The following CCNB3 variants were observed in gnomAD, a reference collection of about 807,000 sequenced individuals.
CCNB3 encodes the protein G2/mitotic-specific cyclin-B3.
In CCNB3, 12 loss-of-function variants were observed where a neutral mutation model predicts 68.0. The observed-to-expected ratio is 0.18, with a 90% CI of 0.11 to 0.29. The LOEUF is 0.29. Ranked by LOEUF, CCNB3 falls within the 10% of genes least tolerant of loss-of-function variation. The pLI is 1.00. For synonymous variants in CCNB3, 354 were observed against 388.9 expected (o/e 0.91, Z 1.06); for missense variants, 904 against 993.1 (o/e 0.91, Z 1.21).
intron 9 of CCNB3, 44 bp from the exon 10 acceptor site, chrX:50,346,608 G>A (rs374433252): frequency 1.7e-6 from 2 of 1,166,192 alleles, no homozygotes; most frequent in African/African-American, 3.6e-5. Context: ...CAGAAAGGTT[G>A]GGTTGTCTGT....
chrX:50,279,802 T>C (rs1432522278), intron 1 of CCNB3, among the ~76,000 whole-genome samples: 8 of 87,871 alleles, frequency 9.1e-5, no homozygotes, highest in African/African-American at 3.4e-4. Flanking sequence ...ATATACTATA[T>C]ATAGAATATA....
intron 1 of CCNB3, among the ~76,000 whole-genome samples, chrX:50,282,205 T>C (rs1489402751): frequency 1.8e-5 from 2 of 111,112 alleles, no homozygotes; most frequent in Non-Finnish European, 3.8e-5. Context: ...CTTCGTTTTA[T>C]TGGGTGGGAA....
At chrX:50,339,531 G>T (rs1397413818) in intron 8 of CCNB3, among the ~76,000 whole-genome samples, 1 of 111,980 alleles carries the variant, frequency 8.9e-6, no homozygotes, top group African/African-American at 3.2e-5. Context: ...CAGAGGCTTG[G>T]CTAGGTATGA....
intron 1 of CCNB3, among the ~76,000 whole-genome samples, chrX:50,227,445 C>CAAATATATATAGAGAATATATATCT (rs1935895697): frequency 1.5e-4 from 12 of 77,982 alleles, no homozygotes; most frequent in Non-Finnish European, 1.2e-4. Flanking sequence ...AGAATATATA[C>CAAATATATATAGAGAATATATATCT]AAATATATAT....
At position 50,351,176 on chromosome X, in the gene CCNB3, T is replaced by A. The variant is rs1923661272; in HGVS notation, c.3961-65T>A. The A allele has an allele frequency of 3.4e-6, 4 of 1,163,445 alleles. No homozygotes were observed. The Admixed American group carries it at 6.7e-5, about 20-fold the overall frequency. ...ATGTGTGGGAAGCTTAGACTTGGGA[T>A]AGCAGAGATGGAGGAACGGTGTGCT... On this transcript the variant is annotated intron_variant, in intron 11 of 12. Transcript: ENST00000376042.
chrX:50,205,314 C>T (rs1445354763), intron 1 of CCNB3, among the ~76,000 whole-genome samples: 3 of 111,476 alleles, frequency 2.7e-5, no homozygotes, highest in African/African-American at 6.5e-5. Context: ...TGGTAGCGCG[C>T]GCCTGTAGTC....
intron 1 of CCNB3, among the ~76,000 whole-genome samples, chrX:50,279,001 G>T (rs1276627815): frequency 2.5e-5 from 1 of 39,484 alleles, no homozygotes; most frequent in Non-Finnish European, 4.1e-5. Flanking sequence ...AATACATATA[G>T]AATATATATA....
At chrX:50,209,345 T>C (rs1935440025) in intron 1 of CCNB3, among the ~76,000 whole-genome samples, 1 of 110,606 alleles carries the variant, frequency 9.0e-6, no homozygotes, top group African/African-American at 3.3e-5. Flanking sequence ...CAATACTGGA[T>C]TGTTTTTTGT....
chrX:50,206,609 A>G (rs1935370698), intron 1 of CCNB3, among the ~76,000 whole-genome samples: 1 of 109,464 alleles, frequency 9.1e-6, no homozygotes, highest in African/African-American at 3.3e-5. Flanking sequence ...AAAATGAAAT[A>G]TAGTATTACT....
At position 50,212,240 on chromosome X, in the gene CCNB3, G is replaced by T. The variant is rs1935495525; in HGVS notation, c.-113+7290G>T. ...ACTTACCCTGCTAAGGATAGCACAG[G>T]TTCATATATACTAGTAAATCCTTAA... On this transcript the variant is annotated intron_variant, in intron 1 of 12. Coordinates refer to ENST00000376042, the MANE Select transcript of CCNB3 (RefSeq NM_033031.3). Among the ~76,000 whole-genome samples the T allele has an allele frequency of 1.7e-4, 19 of 111,895 alleles. No individual in the cohort carries two copies. The South Asian group carries it at 7.2e-3, about 42-fold the overall frequency.
intron 1 of CCNB3, among the ~76,000 whole-genome samples, chrX:50,211,334 T>C (rs1368175279): frequency 4.5e-5 from 5 of 111,087 alleles, no homozygotes; most frequent in Non-Finnish European, 9.4e-5. Context: ...AAAATCTTTA[T>C]CCTGCCCTGC....
intron 5 of CCNB3, among the ~76,000 whole-genome samples, chrX:50,295,760 T>C (rs1288340348): frequency 9.0e-6 from 1 of 111,525 alleles, no homozygotes; most frequent in Non-Finnish European, 1.9e-5. Flanking sequence ...CCTGTATCTC[T>C]TGGAAACATG....
chrX:50,309,107 T>A lies in CCNB3; in HGVS notation c.938T>A (p.Met313Lys). ...TTGCAGACAACCATCTGTGGAGCAA[T>A]GTCCTCCATTAAGAAGCCTACCACT... ...PVLQTTICGA[M>K]SSIKKPTTEK... The change falls in exon 6 of 13, where the codon ATG (methionine) becomes AAG (lysine). Residue 313 changes from methionine to lysine, a missense_variant. Physicochemically the swap from Met to Lys is moderately conservative, Grantham distance 95. Coordinates refer to ENST00000376042, the MANE Select transcript of CCNB3 (RefSeq NM_033031.3). The A allele has an allele frequency of 2.5e-6, 3 of 1,209,468 alleles. No individual in the cohort carries two copies. In the South Asian group the frequency reaches 5.3e-5, roughly 21 times the overall value.
chrX:50,285,808 A>G (rs1040208986), intron 3 of CCNB3, among the ~76,000 whole-genome samples: 1 of 111,850 alleles, frequency 8.9e-6, no homozygotes, highest in African/African-American at 3.2e-5. Context: ...CTGGAGCAAA[A>G]CATCATTAGG....
chrX:50,226,574 T>C (rs1236047797), intron 1 of CCNB3, among the ~76,000 whole-genome samples: 2 of 52,451 alleles, frequency 3.8e-5, no homozygotes, highest in Non-Finnish European at 6.7e-5. Context: ...TAAATATATA[T>C]AGAATACATA....
intron 8 of CCNB3, among the ~76,000 whole-genome samples, chrX:50,320,833 A>G (rs994344377): frequency 1.8e-5 from 2 of 110,394 alleles, no homozygotes; most frequent in South Asian, 3.8e-4. Context: ...TAGGATTATT[A>G]TATCTTCTTT....
intron 1 of CCNB3, among the ~76,000 whole-genome samples, chrX:50,279,939 T>C (rs1389302048): frequency 2.3e-5 from 2 of 85,188 alleles, no homozygotes; most frequent in African/African-American, 4.6e-5. Context: ...AATATGTATT[T>C]ATAATATATA....
chrX:50,294,013 G>A (rs1557210487), intron 4 of CCNB3, among the ~76,000 whole-genome samples: 1 of 111,573 alleles, frequency 9.0e-6, no homozygotes, highest in East Asian at 2.8e-4. Context: ...GAAGCTCACT[G>A]TAGTCTCAAC....
chrX:50,317,808 G>C (rs1921811421), intron 8 of CCNB3, among the ~76,000 whole-genome samples: 1 of 110,769 alleles, frequency 9.0e-6, no homozygotes, highest in African/African-American at 3.3e-5. Flanking sequence ...GACCTCAGGT[G>C]ATCCGCCTGC....
Sources: allele counts gnomAD v4.1 joint callset (sites outside exome capture counted in the v4.1 genomes callset), GRCh38; gene constraint gnomAD v4.1.1; transcripts MANE v1.5; gene names NCBI Gene and HGNC (gene_info 2026-07-23, HGNC 2026-07-21).